DNAAF11: variants seen among roughly 807,000 people sequenced by gnomAD.
DNAAF11 encodes the protein leucine rich repeat containing 6.
In DNAAF11, 45 loss-of-function variants were observed where a neutral mutation model predicts 60.8. The ratio of observed to expected loss-of-function variants is 0.74; its 90% CI spans 0.58 to 0.95. DNAAF11 has a LOEUF of 0.95. Among genes scored for constraint, DNAAF11 ranks in the 40% least tolerant of loss-of-function variants. The probability of loss-of-function intolerance (pLI) is 0.00; values close to 1 mark genes in which losing one functional copy is unlikely to be tolerated. For missense variants in DNAAF11, 546 were observed against 546.2 expected, an observed-to-expected ratio of 1.00 and a Z score of 0.00; for synonymous variants, 191 against 183.5, an observed-to-expected ratio of 1.04 and a Z score of -0.33.
In DNAAF11 at chr8:132,633,189, TAAAACTGATA is replaced by T. The variant is rs1479570408; in HGVS notation, c.430-236_430-227del. Among the ~76,000 whole-genome samples, 18 of 152,254 alleles carry T rather than the reference TAAAACTGATA, an allele frequency of 1.2e-4. No individual in the cohort carries two copies. In the East Asian group the frequency reaches 3.5e-3, roughly 29 times the overall value. Reference sequence around the variant, plus strand: ...TAGTAATAATAATAATTAGGTCTGTTAAAACTGATAATTAATACAAGCTCTCAAAATATTT... The same window carrying T: ...TAGTAATAATAATAATTAGGTCTGTTATTAATACAAGCTCTCAAAATATTT... On this transcript the variant is annotated intron_variant, in intron 4 of 11. Transcript: ENST00000620350.
intron 3 of DNAAF11, among the ~76,000 whole-genome samples, chr8:132,656,167 C>T (rs1216618589): frequency 6.6e-6 from 1 of 152,110 alleles, no homozygotes; most frequent in Non-Finnish European, 1.5e-5. Context: ...AGCCCCACGC[C>T]CCCTTTCCTG....
At chr8:132,626,397 A>ATGTAGCTTT (rs1820288074) in intron 5 of DNAAF11, among the ~76,000 whole-genome samples, 2 of 152,124 alleles carry the variant, frequency 1.3e-5, no homozygotes. Flanking sequence ...TTTCATGGAT[A>ATGTAGCTTT]ACTTCTGATT....
rs1403800697 is a variant in DNAAF11, at chr8:132,587,759, C to T, written c.1141-3980G>A. ...CTTGAAAATTCAATTGTGGGATAGG[C>T]ATAAAGGAACAAATTAACATTTTAA... On this transcript the variant is annotated intron_variant, in intron 10 of 11. Coordinates refer to ENST00000620350, the MANE Select transcript of DNAAF11 (RefSeq NM_012472.6). Among the ~76,000 whole-genome samples the T allele has an allele frequency of 3.3e-5, 5 of 152,028 alleles. No homozygotes were observed. In the East Asian group the frequency reaches 7.7e-4, roughly 23 times the overall value.
At chr8:132,583,974 T>A (rs1209103018) in intron 10 of DNAAF11, among the ~76,000 whole-genome samples, 195 bp from the exon 11 acceptor site, 5 of 151,848 alleles carry the variant, frequency 3.3e-5, no homozygotes, top group Non-Finnish European at 5.9e-5. Context: ...GTTGCAAGAG[T>A]CTCGCGAAGC....
chr8:132,614,246 A>G (rs897789556), intron 8 of DNAAF11, among the ~76,000 whole-genome samples: 1 of 152,178 alleles, frequency 6.6e-6, no homozygotes, highest in African/African-American at 2.4e-5. Flanking sequence ...CAGAGGCCTG[A>G]AGGACACGAG....
chr8:132,701,652 A>G, the DNAAF11 span, among the ~76,000 whole-genome samples: 2 of 152,358 alleles, frequency 1.3e-5, no homozygotes, highest in South Asian at 2.1e-4. Flanking sequence ...ATTTTAGTTT[A>G]TGTCCTGCTT....
At chr8:132,675,346 G>A (rs1400754812) in intron 1 of DNAAF11, 138 bp downstream of exon 1, 3 of 870,258 alleles carry the variant, frequency 3.4e-6, no homozygotes, top group African/African-American at 1.7e-5. Context: ...CGGTGCGGAG[G>A]GCCGGGTGGG....
chr8:132,602,446 A>G (rs1367355235), intron 10 of DNAAF11, among the ~76,000 whole-genome samples: 2 of 152,074 alleles, frequency 1.3e-5, no homozygotes, highest in East Asian at 1.9e-4. Flanking sequence ...TTTAACAGAG[A>G]ACTCTCTATT....
intron 3 of DNAAF11, among the ~76,000 whole-genome samples, chr8:132,655,097 A>C (rs1823412293): frequency 6.6e-6 from 1 of 152,040 alleles, no homozygotes; most frequent in African/African-American, 2.4e-5. Context: ...CATTAAAAAA[A>C]ATGAAAAATA....
the DNAAF11 span, among the ~76,000 whole-genome samples, chr8:132,700,552 G>A: frequency 6.6e-6 from 1 of 151,744 alleles, no homozygotes; most frequent in South Asian, 2.1e-4. Flanking sequence ...GCCAGATGCA[G>A]TGGTGTATAC....
At chr8:132,697,229 T>C in the DNAAF11 span, among the ~76,000 whole-genome samples, 1 of 152,208 alleles carries the variant, frequency 6.6e-6, no homozygotes, top group African/African-American at 2.4e-5. Flanking sequence ...ATATAAGTTT[T>C]CTAAAGTTGG....
At chr8:132,660,448 T>C (rs1824021036) in intron 2 of DNAAF11, among the ~76,000 whole-genome samples, 1 of 152,196 alleles carries the variant, frequency 6.6e-6, no homozygotes, top group Non-Finnish European at 1.5e-5. Context: ...AATTTCACAC[T>C]GCATAGAGGG....
chr8:132,633,114 A>T, intron 4 of DNAAF11, 151 bp from the exon 5 acceptor site: 3 of 579,174 alleles, frequency 5.2e-6, no homozygotes, highest in Non-Finnish European at 9.0e-6. Context: ...ACATTGTTCT[A>T]AATTAATGTA....
In DNAAF11 at chr8:132,615,850, A is replaced by C. The variant is rs143863520; in HGVS notation, c.915-753T>G. On this transcript the variant is annotated intron_variant, in intron 7 of 11. Transcript: ENST00000620350. ...TTTCAGTTACTGTATTACTCTATAA[A>C]ACATACAACTCAACAATATTAAAGA... 2.0e-5 allele frequency among the ~76,000 whole-genome samples: 3 copies of C among 152,294 alleles called. No homozygotes were observed. The East Asian group carries it at 5.8e-4, about 29-fold the overall frequency.
At chr8:132,577,804 G>C (rs1197826247) in intron 11 of DNAAF11, among the ~76,000 whole-genome samples, 1 of 152,068 alleles carries the variant, frequency 6.6e-6, no homozygotes, top group Non-Finnish European at 1.5e-5. Context: ...GGCTACAGGT[G>C]CTGCATGCCA....
the DNAAF11 span, among the ~76,000 whole-genome samples, chr8:132,682,487 A>C: frequency 6.6e-6 from 1 of 152,240 alleles, no homozygotes; most frequent in Non-Finnish European, 1.5e-5. Flanking sequence ...GATCCCTGCT[A>C]GTATTTCTGA....
chr8:132,658,869 A>G (rs1823853101), intron 2 of DNAAF11, among the ~76,000 whole-genome samples: 1 of 152,158 alleles, frequency 6.6e-6, no homozygotes, highest in Non-Finnish European at 1.5e-5. Context: ...ACTTGGACAC[A>G]GCGGGTTAAA....
chr8:132,611,168 AC>A, intron 9 of DNAAF11, 125 bp downstream of exon 9: 1 of 591,990 alleles, frequency 1.7e-6, no homozygotes, highest in Non-Finnish European at 2.9e-6. Flanking sequence ...TGCTGGGATT[AC>A]AGGCATGAGC....
the DNAAF11 span, chr8:132,687,590 T>C: frequency 2.2e-6 from 1 of 456,188 alleles, no homozygotes; most frequent in Non-Finnish European, 4.4e-6. Flanking sequence ...TCTCACCAGG[T>C]GCTGCAAGCT....
Sources: gnomAD v4.1 joint callset for allele counts (sites outside exome capture counted in the v4.1 genomes callset) on GRCh38, gnomAD v4.1.1 for gene constraint, MANE v1.5 for transcripts, NCBI Gene and HGNC (gene_info 2026-07-23, HGNC 2026-07-21) for gene names.